The following MED17 variants were observed in gnomAD, a reference collection of about 807,000 sequenced individuals.
MED17 encodes mediator complex subunit 17, also known as mediator of RNA polymerase II transcription subunit 17.
Under a neutral mutation model 80.8 loss-of-function variants are expected in MED17, and 49 were observed. That is an observed-to-expected ratio of 0.61 (90% CI 0.48 to 0.77). The LOEUF (loss-of-function observed/expected upper bound fraction) is 0.77, where lower values mean the gene tolerates loss of function less well. MED17 is among the 30% of genes least tolerant of loss of function. The probability of loss-of-function intolerance (pLI) is 0.00; values close to 1 mark genes in which losing one functional copy is unlikely to be tolerated. For missense variants in MED17, 718 were observed against 787.0 expected (o/e 0.91, Z 1.05); for synonymous variants, 281 against 280.4 (o/e 1.00, Z -0.02).
intron 1 of MED17, among the ~76,000 whole-genome samples, chr11:93,786,313 A>G (rs750427227): frequency 6.6e-6 from 1 of 152,222 alleles, no homozygotes; most frequent in Non-Finnish European, 1.5e-5. Flanking sequence ...CTGGGAAATT[A>G]AAACATGATT....
In MED17 at chr11:93,812,155, CAA is replaced by C. The variant is rs1944091574; in HGVS notation, c.*94_*95del. 6 of 1,048,212 alleles carry C rather than the reference CAA, an allele frequency of 5.7e-6. No homozygotes were observed. Among genetic ancestry groups the C allele is most frequent in the South Asian group, 2.6e-5 (2 of 76,466 alleles). 64.9% of individuals were successfully genotyped at this position (1,048,212 alleles called of 1,614,324 possible). A position where few individuals can be genotyped will look rare whatever the true frequency, so the allele number is the denominator to read the frequency against. Reference sequence around the variant, plus strand: ...ATAAGCACAAAGAAGAGATAACTTCCAAAAGAGTGCTGTTTTTAAAAATAATA... The same window carrying C: ...ATAAGCACAAAGAAGAGATAACTTCCAAGAGTGCTGTTTTTAAAAATAATA... On this transcript the variant is annotated 3_prime_UTR_variant, in exon 12 of 12. Coordinates refer to ENST00000251871, the MANE Select transcript of MED17 (RefSeq NM_004268.5).
chr11:93,809,769 G>A lies in MED17; in HGVS notation c.1637G>A (p.Trp546Ter). ...AVQQLAKVMG[W>*]QVLSFSNHVG... Reference sequence around the variant, plus strand: ...CAGCAACTCGCCAAGGTTATGGGCTGGCAAGTACTGAGCTTCAGTAATCAT... The same window carrying A: ...CAGCAACTCGCCAAGGTTATGGGCTAGCAAGTACTGAGCTTCAGTAATCAT... The change falls in exon 11 of 12, where the codon TGG becomes TAG. Residue 546 changes from tryptophan to a stop codon, truncating the protein, a stop_gained. Transcript: ENST00000251871. LOFTEE classifies it high-confidence loss of function. 3 of 1,614,130 alleles carry A rather than the reference G, an allele frequency of 1.9e-6. No homozygotes were observed. The highest frequency in any genetic ancestry group is 2.5e-6 in the Non-Finnish European group (3 of 1,180,016).
intron 2 of MED17, chr11:93,789,051 A>G (rs1283408644): frequency 2.6e-5 from 4 of 152,220 alleles, no homozygotes; most frequent in African/African-American, 9.7e-5. Flanking sequence ...TAGCAGGAAG[A>G]TGAGTTGGTG....
intron 8 of MED17, among the ~76,000 whole-genome samples, chr11:93,799,093 T>C (rs1057142781): frequency 6.6e-6 from 1 of 152,152 alleles, no homozygotes; most frequent in Non-Finnish European, 1.5e-5. Flanking sequence ...CCCTACACTT[T>C]AGGAGGCCAA....
At chr11:93,799,822 G>A (rs1052208871) in intron 8 of MED17, among the ~76,000 whole-genome samples, 1 of 152,068 alleles carries the variant, frequency 6.6e-6, no homozygotes, top group South Asian at 2.1e-4. Flanking sequence ...TGCACAGTGA[G>A]ATCTCTTGAC....
At chr11:93,798,034 ATCTTTTTCT>A (rs1229805080) in intron 8 of MED17, among the ~76,000 whole-genome samples, 1 of 152,176 alleles carries the variant, frequency 6.6e-6, no homozygotes, top group East Asian at 1.9e-4. Context: ...ACTGATTTAC[ATCTTTTTCT>A]TGAGGGTTTC....
At chr11:93,785,021 A>C (rs1943754140) in intron 1 of MED17, 1 of 591,982 alleles carries the variant, frequency 1.7e-6, no homozygotes, top group East Asian at 2.9e-5. Context: ...TGTTTAAATG[A>C]ATGCTTCTCT....
In MED17 at chr11:93,813,963, C is replaced by G. The variant is rs1224504745; in HGVS notation, c.*1899C>G. 6.6e-6 allele frequency: 1 copy of G among 152,226 alleles called. No homozygotes were observed. The highest frequency in any genetic ancestry group is 1.5e-5 in the Non-Finnish European group (1 of 68,052). 9.4% of individuals were successfully genotyped at this position (152,226 alleles called of 1,614,324 possible). On this transcript the variant is annotated 3_prime_UTR_variant, in exon 12 of 12. Transcript: ENST00000251871. ...CTCCTGGCCTCAATTGATCCGCCCA[C>G]CTCGGCCTCCCAAAGTGCTAGGATT...
chr11:93,786,518 G>A (rs1290973708), intron 1 of MED17, among the ~76,000 whole-genome samples: 2 of 151,602 alleles, frequency 1.3e-5, no homozygotes, highest in African/African-American at 2.4e-5. Context: ...CCAGGCTGGA[G>A]TGCAGTGGTG....
At chr11:93,787,863 A>T in intron 1 of MED17, 138 bp from the exon 2 acceptor site, 1 of 758,906 alleles carries the variant, frequency 1.3e-6, no homozygotes, top group Non-Finnish European at 2.2e-6. Flanking sequence ...ACGGTAGAGG[A>T]GATGGCATAA....
At chr11:93,810,057 T>G in intron 11 of MED17, 181 bp downstream of exon 11, 1 of 638,878 alleles carries the variant, frequency 1.6e-6, no homozygotes, top group South Asian at 1.8e-5. Flanking sequence ...TTATTTCTCT[T>G]TCTAGTAATT....
intron 9 of MED17, among the ~76,000 whole-genome samples, chr11:93,803,111 C>G (rs1442489396): frequency 6.6e-6 from 1 of 152,154 alleles, no homozygotes; most frequent in African/African-American, 2.4e-5. Flanking sequence ...TCCTGTGTAG[C>G]TGGGACTACA....
At chr11:93,798,532 A>G (rs971792958) in intron 8 of MED17, among the ~76,000 whole-genome samples, 3 of 152,074 alleles carry the variant, frequency 2.0e-5, no homozygotes, top group Non-Finnish European at 4.4e-5. Flanking sequence ...TTGTAGTCTT[A>G]AAGTGGAAAT....
intron 2 of MED17, among the ~76,000 whole-genome samples, chr11:93,790,078 C>T (rs1289872330): frequency 6.6e-6 from 1 of 152,174 alleles, no homozygotes; most frequent in Non-Finnish European, 1.5e-5. Context: ...CAGTTATACC[C>T]ATTGCAGTCA....
intron 1 of MED17, among the ~76,000 whole-genome samples, chr11:93,785,169 A>G (rs1344892326): frequency 1.3e-5 from 2 of 152,210 alleles, no homozygotes; most frequent in Non-Finnish European, 2.9e-5. Context: ...GCACCTGCAG[A>G]AAAGAGGTCT....
chr11:93,794,262 T>C (rs1943876994), intron 5 of MED17: 1 of 405,314 alleles, frequency 2.5e-6, no homozygotes. Flanking sequence ...TAGAGTGCAA[T>C]GGCGCAGTCT....
chr11:93,784,431 G>C lies in MED17; in HGVS notation c.-83G>C. On this transcript the variant is annotated 5_prime_UTR_variant, in exon 1 of 12. Transcript: ENST00000251871. ...CGCGGCTGCGGGCTTCTGAGTTCCC[G>C]GCTCTCCGCAGGGAAGCCTCCTCTT... 1 of 1,498,364 alleles carries C rather than the reference G, an allele frequency of 6.7e-7. No individual in the cohort carries two copies. Among genetic ancestry groups the C allele is most frequent in the Non-Finnish European group, 8.9e-7 (1 of 1,126,552 alleles). 92.8% of individuals were successfully genotyped at this position (1,498,364 alleles called of 1,614,324 possible). A position where few individuals can be genotyped will look rare whatever the true frequency, so the allele number is the denominator to read the frequency against.
At chr11:93,804,764 G>A (rs755764438) in intron 9 of MED17, among the ~76,000 whole-genome samples, 1 of 152,198 alleles carries the variant, frequency 6.6e-6, no homozygotes, top group East Asian at 1.9e-4. Flanking sequence ...AACCATCATC[G>A]TCTAATTATT....
chr11:93,807,633 C>A lies in MED17; in HGVS notation c.1582C>A (p.Gln528Lys). ...GGAGCTACAGGATTTTCTTCTGTCTCAGGTAACAGTTGCAGATTTTGTCTT... is the reference window on the plus strand; with the variant it reads ...GGAGCTACAGGATTTTCTTCTGTCTAAGGTAACAGTTGCAGATTTTGTCTT... ...EQELQDFLLS[Q>K]MSQHQVHAVQ... The change falls in exon 10 of 12, where the codon CAG becomes AAG. Residue 528 changes from glutamine to lysine, a missense_variant and splice_region_variant. By Grantham distance (53) the Gln-to-Lys change is moderately conservative. Transcript: ENST00000251871. 6.4e-7 allele frequency: 1 copy of A among 1,574,454 alleles called. No homozygotes were observed. The highest frequency in any genetic ancestry group is 8.7e-7 in the Non-Finnish European group (1 of 1,144,088).
Sources: gnomAD v4.1 joint callset for allele counts (sites outside exome capture counted in the v4.1 genomes callset) on GRCh38, gnomAD v4.1.1 for gene constraint, MANE v1.5 for transcripts, NCBI Gene and HGNC (gene_info 2026-07-23, HGNC 2026-07-21) for gene names.